Variants in PDE4B observed in about 807,000 individuals in gnomAD.
PDE4B encodes the protein 3',5'-cyclic-AMP phosphodiesterase 4B.
A neutral mutation model predicts 82.2 loss-of-function variants in PDE4B; 20 were observed. That is an observed-to-expected ratio of 0.24 (90% CI 0.17 to 0.35). PDE4B has a LOEUF of 0.35. Among genes scored for constraint, PDE4B ranks in the 10% least tolerant of loss-of-function variants. PDE4B has a pLI of 1.00. For synonymous variants in PDE4B, 320 were observed against 318.9 expected (o/e 1.00, Z -0.04); for missense variants, 655 against 907.2 (o/e 0.72, Z 3.57).
chr1:66,315,541 C>T (rs183932657), intron 7 of PDE4B, among the ~76,000 whole-genome samples: 209 of 152,252 alleles, frequency 1.4e-3, no homozygotes, highest in African/African-American at 4.6e-3. Context: ...CTACAACCTC[C>T]GCCTCGTGGG....
chr1:66,054,312 C>T (rs1298823935), intron 3 of PDE4B, among the ~76,000 whole-genome samples: 1 of 152,090 alleles, frequency 6.6e-6, no homozygotes, highest in Non-Finnish European at 1.5e-5. Context: ...TTGTAAACAG[C>T]TTTATTGGGG....
At chr1:65,830,933 C>CT (rs1384648513) in intron 1 of PDE4B, among the ~76,000 whole-genome samples, 1 of 152,064 alleles carries the variant, frequency 6.6e-6, no homozygotes, top group African/African-American at 2.4e-5. Context: ...ATCCTTGCAG[C>CT]TTTTCTGTCA....
At chr1:66,091,481 T>C (rs909622172) in intron 3 of PDE4B, among the ~76,000 whole-genome samples, 1 of 152,124 alleles carries the variant, frequency 6.6e-6, no homozygotes, top group African/African-American at 2.4e-5. Flanking sequence ...TATGTAGCAA[T>C]TGCAAAGTAA....
intron 3 of PDE4B, among the ~76,000 whole-genome samples, chr1:66,170,735 T>C (rs1646821157): frequency 6.6e-6 from 1 of 152,210 alleles, no homozygotes; most frequent in Admixed American, 6.5e-5. Context: ...CCATGAACTG[T>C]GTCTCCATTT....
At chr1:66,046,530 A>G (rs535080675) in intron 3 of PDE4B, among the ~76,000 whole-genome samples, 19 of 151,996 alleles carry the variant, frequency 1.3e-4, no homozygotes, top group African/African-American at 4.6e-4. Flanking sequence ...TCAGAATTCA[A>G]AGAGAATCAG....
intron 1 of PDE4B, among the ~76,000 whole-genome samples, chr1:65,908,359 T>G (rs373094818): frequency 1.3e-5 from 2 of 152,142 alleles, no homozygotes; most frequent in Non-Finnish European, 1.5e-5. Context: ...CATAGCAGAA[T>G]TTAGAATGAT....
chr1:65,931,357 GT>G (rs1647822398), intron 3 of PDE4B, among the ~76,000 whole-genome samples: 1 of 152,154 alleles, frequency 6.6e-6, no homozygotes, highest in Admixed American at 6.5e-5. Flanking sequence ...AAGGTATACA[GT>G]TTGGGAGAGA....
chr1:66,360,713 G>A (rs1662692349), intron 9 of PDE4B: 1 of 152,230 alleles, frequency 6.6e-6, no homozygotes, highest in Admixed American at 6.5e-5. Flanking sequence ...ACATCTCCCT[G>A]TGAAGTGAAA....
chr1:66,230,556 T>A (rs1651867306), intron 3 of PDE4B, among the ~76,000 whole-genome samples: 1 of 152,242 alleles, frequency 6.6e-6, no homozygotes, highest in Non-Finnish European at 1.5e-5. Flanking sequence ...TTGAAAGTTT[T>A]GTGACATTTT....
In PDE4B at chr1:66,364,099, T is replaced by C. The variant is rs372466821; in HGVS notation, c.1284+528T>C. Among the ~76,000 whole-genome samples, 16 of 152,302 alleles carry C rather than the reference T, an allele frequency of 1.1e-4. No homozygotes were observed. The East Asian group carries it at 2.5e-3, about 24-fold the overall frequency. On this transcript the variant is annotated intron_variant, in intron 12 of 16. Coordinates refer to ENST00000341517, the MANE Select transcript of PDE4B (RefSeq NM_002600.4). The stretch of plus-strand genomic sequence containing the variant: ...TCAAAATATCTTGTTCAGTGTCCGG[T>C]AAATAGTATATTCTCAATATGCAAT...
intron 4 of PDE4B, chr1:66,257,404 T>A (rs761737023): frequency 4.2e-6 from 3 of 706,176 alleles, no homozygotes; most frequent in Non-Finnish European, 7.9e-6. Flanking sequence ...ATATGCTTAC[T>A]TGCAAATGCT....
intron 3 of PDE4B, among the ~76,000 whole-genome samples, chr1:66,015,591 G>GA (rs149939038): frequency 0.028 from 4,012 of 145,510 alleles, 82 homozygotes; most frequent in Middle Eastern, 0.041. Flanking sequence ...ATTTCCACAA[G>GA]AAAAAAAAAA....
At chr1:65,884,722 A>C (rs1402720282) in intron 1 of PDE4B, among the ~76,000 whole-genome samples, 2 of 152,222 alleles carry the variant, frequency 1.3e-5, no homozygotes, top group African/African-American at 4.8e-5. Flanking sequence ...AGATGGATTA[A>C]AGACTTGAAT....
chr1:66,151,391 A>G (rs1646391215), intron 3 of PDE4B, among the ~76,000 whole-genome samples: 1 of 152,066 alleles, frequency 6.6e-6, no homozygotes. Context: ...TCCTGTCACT[A>G]TTTCTCTCAC....
intron 3 of PDE4B, among the ~76,000 whole-genome samples, chr1:66,053,209 A>T (rs936459912): frequency 3.3e-5 from 5 of 152,198 alleles, no homozygotes; most frequent in Non-Finnish European, 7.3e-5. Context: ...ACTTTTACGT[A>T]TGTGTATTAA....
At chr1:66,241,861 C>G (rs1652917391) in intron 3 of PDE4B, among the ~76,000 whole-genome samples, 1 of 152,192 alleles carries the variant, frequency 6.6e-6, no homozygotes, top group African/African-American at 2.4e-5. Context: ...TTTAAGAGCT[C>G]CACTGAGGTC....
intron 3 of PDE4B, among the ~76,000 whole-genome samples, chr1:66,108,685 C>T (rs1474682144): frequency 1.2e-5 from 1 of 85,664 alleles, no homozygotes; most frequent in African/African-American, 4.8e-5. Flanking sequence ...TGTTCAATGT[C>T]ACTACTAATC....
intron 1 of PDE4B, among the ~76,000 whole-genome samples, chr1:65,864,518 G>T (rs913836666): frequency 1.3e-5 from 2 of 152,092 alleles, no homozygotes; most frequent in Non-Finnish European, 2.9e-5. Context: ...GATCTTTGAG[G>T]CTGATGACCT....
intron 7 of PDE4B, among the ~76,000 whole-genome samples, chr1:66,303,315 G>A (rs768054100): frequency 6.7e-6 from 1 of 149,318 alleles, no homozygotes; most frequent in Non-Finnish European, 1.5e-5. Flanking sequence ...TATATTTATG[G>A]TGTATAGCAT....
Sources: gnomAD v4.1 joint callset for allele counts (sites outside exome capture counted in the v4.1 genomes callset) on GRCh38, gnomAD v4.1.1 for gene constraint, MANE v1.5 for transcripts, NCBI Gene and HGNC (gene_info 2026-07-23, HGNC 2026-07-21) for gene names.